The following RBFOX1 variants were observed in gnomAD, a reference collection of about 807,000 sequenced individuals.
The protein encoded by RBFOX1 is RNA binding protein fox-1 homolog 1.
Under a neutral mutation model 57.7 loss-of-function variants are expected in RBFOX1, and 8 were observed. The observed-to-expected ratio is 0.14, with a 90% confidence interval of 0.08 to 0.25. RBFOX1 has a LOEUF of 0.25. Ranked by LOEUF, RBFOX1 falls within the 10% of genes least tolerant of loss-of-function variation. The pLI is 1.00. For missense variants in RBFOX1, 611 were observed against 548.5 expected (o/e 1.11, Z -1.14); for synonymous variants, 326 against 222.4 (o/e 1.47, Z -4.15).
intron 3 of RBFOX1, among the ~76,000 whole-genome samples, chr16:6,806,891 T>G (rs1424064840): frequency 7.2e-6 from 1 of 139,792 alleles, no homozygotes; most frequent in African/African-American, 2.7e-5. Flanking sequence ...TGGAGTGCAA[T>G]AGCATGATCT....
intron 4 of RBFOX1, among the ~76,000 whole-genome samples, chr16:7,315,010 T>C (rs1019295112): frequency 6.6e-6 from 1 of 152,062 alleles, no homozygotes; most frequent in African/African-American, 2.4e-5. Context: ...TTTTTCCTAA[T>C]TGGAAGAAAA....
chr16:5,588,420 G>A (rs969490198), intron 2 of RBFOX1, among the ~76,000 whole-genome samples: 1 of 152,188 alleles, frequency 6.6e-6, no homozygotes, highest in Admixed American at 6.5e-5. Flanking sequence ...CCCCTTCCTG[G>A]TTCTGCCACT....
intron 3 of RBFOX1, among the ~76,000 whole-genome samples, chr16:5,617,121 C>G (rs942550348): frequency 6.6e-6 from 1 of 151,806 alleles, no homozygotes; most frequent in Non-Finnish European, 1.5e-5. Context: ...CTCCGTCCGT[C>G]CCTCCCTCCC....
intron 4 of RBFOX1, among the ~76,000 whole-genome samples, chr16:7,161,071 T>C (rs1311077118): frequency 1.3e-5 from 2 of 151,766 alleles, no homozygotes; most frequent in Non-Finnish European, 2.9e-5. Flanking sequence ...CCCAGATGAC[T>C]ACCTTTCATC....
At chr16:6,800,769 G>A (rs962655582) in intron 3 of RBFOX1, among the ~76,000 whole-genome samples, 1 of 152,148 alleles carries the variant, frequency 6.6e-6, no homozygotes, top group African/African-American at 2.4e-5. Context: ...CTAGAAAGCA[G>A]TAGATGACAA....
chr16:5,298,246 G>C (rs753175412), intron 1 of RBFOX1, among the ~76,000 whole-genome samples: 48 of 152,164 alleles, frequency 3.2e-4, no homozygotes, highest in African/African-American at 1.0e-3. Flanking sequence ...AAAATACCTT[G>C]TGGTTCAAAT....
intron 3 of RBFOX1, among the ~76,000 whole-genome samples, chr16:5,737,326 G>C (rs1489172320): frequency 6.6e-6 from 1 of 151,932 alleles, no homozygotes; most frequent in Non-Finnish European, 1.5e-5. Flanking sequence ...TCTCCTAAAA[G>C]TACAAAAAGT....
chr16:6,562,661 C>T lies in RBFOX1; in HGVS notation c.-63-91942C>T, dbSNP rs558023891. On this transcript the variant is annotated intron_variant, in intron 2 of 15. Coordinates refer to ENST00000550418, the MANE Select transcript of RBFOX1 (RefSeq NM_018723.4). ...TTTTAGTTGACAAATGAGAAAGCAG[C>T]CATGAATCTGAGTCTCTTACTTGGA... Among the ~76,000 whole-genome samples the T allele has an allele frequency of 1.4e-4, 21 of 152,250 alleles. No homozygotes were observed. The East Asian group carries it at 2.1e-3, about 15-fold the overall frequency.
chr16:6,490,631 G>A (rs1319645456), intron 2 of RBFOX1, among the ~76,000 whole-genome samples: 1 of 152,152 alleles, frequency 6.6e-6, no homozygotes. Context: ...ACCTGAGGCA[G>A]GACACAGATT....
intron 1 of RBFOX1, among the ~76,000 whole-genome samples, chr16:6,263,678 A>G (rs956540506): frequency 1.3e-5 from 2 of 152,086 alleles, no homozygotes; most frequent in African/African-American, 4.8e-5. Context: ...TTGGCATGGT[A>G]GTTGCTCCAT....
intron 3 of RBFOX1, among the ~76,000 whole-genome samples, chr16:6,774,731 C>G (rs999617044): frequency 6.6e-6 from 1 of 151,182 alleles, no homozygotes; most frequent in Non-Finnish European, 1.5e-5. Flanking sequence ...CTAATTATAA[C>G]TATTAGTTAA....
chr16:6,683,564 C>T (rs570196139), intron 3 of RBFOX1, among the ~76,000 whole-genome samples: 118 of 152,074 alleles, frequency 7.8e-4, no homozygotes, highest in African/African-American at 2.1e-3. Flanking sequence ...CAAATATATA[C>T]GTTTGCATAC....
intron 3 of RBFOX1, among the ~76,000 whole-genome samples, chr16:6,992,905 A>G (rs1025344593): frequency 6.6e-6 from 1 of 151,666 alleles, no homozygotes; most frequent in Non-Finnish European, 1.5e-5. Context: ...GCACGGTGTC[A>G]TTCACAAGGA....
intron 2 of RBFOX1, among the ~76,000 whole-genome samples, chr16:6,412,141 A>AC (rs1438992137): frequency 7.0e-6 from 1 of 143,072 alleles, no homozygotes; most frequent in East Asian, 2.0e-4. Flanking sequence ...TAAAAAAAAA[A>AC]AAACAAAAAA....
chr16:6,705,491 A>G (rs1033078144), intron 3 of RBFOX1: 4 of 152,196 alleles, frequency 2.6e-5, no homozygotes, highest in Admixed American at 2.6e-4. Flanking sequence ...CCTGGAAGCC[A>G]CAACCCCCCA....
chr16:6,560,527 G>T (rs1054301963), intron 2 of RBFOX1, among the ~76,000 whole-genome samples: 1 of 152,104 alleles, frequency 6.6e-6, no homozygotes, highest in East Asian at 1.9e-4. Context: ...ACAATAGAAG[G>T]GCCAGAGGGA....
At chr16:6,821,185 C>G (rs577956115) in intron 3 of RBFOX1, among the ~76,000 whole-genome samples, 13 of 152,124 alleles carry the variant, frequency 8.5e-5, no homozygotes, top group Admixed American at 8.5e-4. Flanking sequence ...GGAAGGCACT[C>G]CTGGATTTGG....
intron 1 of RBFOX1, among the ~76,000 whole-genome samples, chr16:5,363,482 C>A (rs949579032): frequency 6.6e-6 from 1 of 152,154 alleles, no homozygotes; most frequent in Non-Finnish European, 1.5e-5. Flanking sequence ...AGGCTTATTT[C>A]ATTTTCTCAA....
intron 3 of RBFOX1, among the ~76,000 whole-genome samples, chr16:5,619,963 G>A (rs376149591): frequency 3.4e-5 from 5 of 148,296 alleles, no homozygotes; most frequent in Non-Finnish European, 5.9e-5. Flanking sequence ...TCTCTGTGCA[G>A]ATAGTAAATT....
Sources: allele counts gnomAD v4.1 joint callset (sites outside exome capture counted in the v4.1 genomes callset), GRCh38; gene constraint gnomAD v4.1.1; transcripts MANE v1.5; gene names NCBI Gene and HGNC (gene_info 2026-07-23, HGNC 2026-07-21).